The following EPHB2 variants were observed in gnomAD, a reference collection of about 807,000 sequenced individuals.
The protein encoded by EPHB2 is EPH receptor B2, also known as ephrin type-B receptor 2.
Under a neutral mutation model 96.4 loss-of-function variants are expected in EPHB2, and 18 were observed. The observed-to-expected ratio is 0.19, with a 90% CI of 0.13 to 0.28. The LOEUF (loss-of-function observed/expected upper bound fraction) is 0.28, where lower values mean the gene tolerates loss of function less well. Ranked by LOEUF, EPHB2 falls within the 10% of genes least tolerant of loss-of-function variation. The pLI is 1.00. For synonymous variants in EPHB2, 506 were observed against 534.1 expected (o/e 0.95, Z 0.72); for missense variants, 989 against 1,355.4 (o/e 0.73, Z 4.25).
At chr1:22,843,969 G>T (rs1443989965) in intron 3 of EPHB2, among the ~76,000 whole-genome samples, 1 of 152,210 alleles carries the variant, frequency 6.6e-6, no homozygotes, top group Non-Finnish European at 1.5e-5. Context: ...CTCCATCCAC[G>T]CTGTTGCAAA....
At chr1:22,855,649 C>T (rs1481880113) in intron 3 of EPHB2, among the ~76,000 whole-genome samples, 1 of 152,188 alleles carries the variant, frequency 6.6e-6, no homozygotes, top group Admixed American at 6.5e-5. Context: ...TAGCACATAG[C>T]AAATGGAGGC....
intron 1 of EPHB2, among the ~76,000 whole-genome samples, chr1:22,747,173 C>T (rs1045739025): frequency 6.6e-6 from 1 of 152,220 alleles, no homozygotes; most frequent in Admixed American, 6.5e-5. Flanking sequence ...GCTCAGGGTT[C>T]AGTCACCGGA....
intron 3 of EPHB2, among the ~76,000 whole-genome samples, chr1:22,833,370 G>A (rs1169743936): frequency 6.6e-6 from 1 of 152,010 alleles, no homozygotes; most frequent in African/African-American, 2.4e-5. Context: ...TAGCCTCCTC[G>A]GCCTCCCAAA....
intron 3 of EPHB2, among the ~76,000 whole-genome samples, chr1:22,826,277 G>A (rs534445700): frequency 3.3e-5 from 5 of 152,122 alleles, no homozygotes; most frequent in Admixed American, 6.5e-5. Context: ...CTCTCCCCAC[G>A]GCCTTGGGCT....
At position 22,913,379 on chromosome 1, in the gene EPHB2, C is replaced by A; in HGVS notation, c.2853-83C>A. ...ACTCCTTGCTTTGCCATCTTCCTCC[C>A]GGGGAAGCCCAGGCAGCTCTCTACC... On this transcript the variant is annotated intron_variant, in intron 15 of 15. Transcript: ENST00000374630. This position sits in a 1 kb window ranked among gnomAD's most constrained non-coding sequence, Gnocchi z 4.1. The A allele has an allele frequency of 5.2e-6, 8 of 1,552,370 alleles. 1 individual carries two copies. The South Asian group carries it at 8.2e-5, about 16-fold the overall frequency.
At chr1:22,896,845 G>T (rs574618465) in intron 9 of EPHB2, among the ~76,000 whole-genome samples, 107 of 152,328 alleles carry the variant, frequency 7.0e-4, no homozygotes, top group Middle Eastern at 3.4e-3. Context: ...AGTGGTGGCC[G>T]CTGGAGACCT....
In EPHB2 at chr1:22,909,156, C is replaced by T. The variant is rs1431793024; in HGVS notation, c.2487C>T (p.Asp829=). The T allele has an allele frequency of 6.2e-7, 1 of 1,614,218 alleles. No individual in the cohort carries two copies. The highest frequency in any genetic ancestry group is 1.7e-5 in the Admixed American group (1 of 60,028). The change falls in exon 13 of 16, where the codon GAC becomes GAT. Residue 829 remains aspartate (D), a synonymous_variant. Transcript: ENST00000374630. The stretch of plus-strand genomic sequence containing the variant: ...CCTATGGGGAGCGGCCCTACTGGGA[C>T]ATGACCAACCAGGATGTAAGTCTCC... ...VMSYGERPYW[D]MTNQDVINAI... is the part of the protein sequence containing the mutation.
chr1:22,847,976 T>C lies in EPHB2; in HGVS notation c.812-15061T>C, dbSNP rs117308932. Among the ~76,000 whole-genome samples the C allele has an allele frequency of 2.5e-4, 38 of 152,274 alleles. No homozygotes were observed. In the East Asian group the frequency reaches 7.2e-3, roughly 29 times the overall value. Reference sequence around the variant, plus strand: ...CTAGCTAATCATACTCTCTCTCCCCTGCTAGACGGTGAGCCTCAAGGCCAG... The same window carrying C: ...CTAGCTAATCATACTCTCTCTCCCCCGCTAGACGGTGAGCCTCAAGGCCAG... On this transcript the variant is annotated intron_variant, in intron 3 of 15. Transcript: ENST00000374630.
intron 3 of EPHB2, among the ~76,000 whole-genome samples, chr1:22,842,764 T>G (rs12410872): frequency 0.51 from 77,596 of 151,858 alleles, 19,925 homozygotes; most frequent in Middle Eastern, 0.59. Context: ...CCAGGCTTAT[T>G]CATTCCCTCT....
chr1:22,873,233 C>T (rs4654825), intron 5 of EPHB2, among the ~76,000 whole-genome samples: 1 of 152,236 alleles, frequency 6.6e-6, no homozygotes, highest in Non-Finnish European at 1.5e-5. Context: ...TGTAGTTCAT[C>T]TGCTCCGGGT....
At position 22,815,222 on chromosome 1, in the gene EPHB2, C is replaced by T. The variant is rs575755344; in HGVS notation, c.811+30146C>T. 7.2e-5 allele frequency among the ~76,000 whole-genome samples: 11 copies of T among 152,122 alleles called. No homozygotes were observed. In the South Asian group the frequency reaches 2.1e-3, roughly 29 times the overall value. ...GGTAAATGTGAGCCTTCCCTTAGCC[C>T]GCCGCCCTTGGAATCAGGACAGGCT... is the stretch of plus-strand genomic sequence containing the variant. On this transcript the variant is annotated intron_variant, in intron 3 of 15. Coordinates refer to ENST00000374630, the MANE Select transcript of EPHB2 (RefSeq NM_017449.5).
In EPHB2 at chr1:22,864,925, C is replaced by G; in HGVS notation, c.1016C>G (p.Ser339Cys). ...GTGATTTCCAGTGTCAATGAGACCT[C>G]CCTCATGCTGGAGTGGACCCCTCCC... ...QAVISSVNET[S>C]LMLEWTPPRD... Residue 339 changes from serine (S) to cysteine (C), a missense_variant, in exon 5 of 16, where the codon TCC (serine) becomes TGC (cysteine). Transcript: ENST00000374630. 1 of 1,607,994 alleles carries G rather than the reference C, an allele frequency of 6.2e-7. No homozygotes were observed. Among genetic ancestry groups the G allele is most frequent in the Non-Finnish European group, 8.5e-7 (1 of 1,177,072 alleles).
chr1:22,903,907 T>G (rs765990382), intron 9 of EPHB2, among the ~76,000 whole-genome samples: 1 of 152,180 alleles, frequency 6.6e-6, no homozygotes, highest in Admixed American at 6.5e-5. Flanking sequence ...CTTAACCTCT[T>G]TGGGGGCCTC....
At chr1:22,849,107 T>C (rs1034328789) in intron 3 of EPHB2, among the ~76,000 whole-genome samples, 3 of 152,080 alleles carry the variant, frequency 2.0e-5, no homozygotes, top group African/African-American at 7.2e-5. Context: ...AGCAAATGGG[T>C]ATTAAGTCTC....
At chr1:22,803,032 G>A (rs1644867950) in intron 3 of EPHB2, among the ~76,000 whole-genome samples, 1 of 152,132 alleles carries the variant, frequency 6.6e-6, no homozygotes, top group Admixed American at 6.5e-5. Context: ...CTGAGCCTGG[G>A]AGTCCCAGAG....
intron 3 of EPHB2, among the ~76,000 whole-genome samples, chr1:22,806,721 C>T (rs1277536454): frequency 2.0e-5 from 3 of 152,274 alleles, no homozygotes; most frequent in Non-Finnish European, 4.4e-5. Context: ...CTGGGCGGCC[C>T]AGCGCCTGCA....
At chr1:22,864,511 C>A (rs1638399306) in intron 4 of EPHB2, among the ~76,000 whole-genome samples, 1 of 152,164 alleles carries the variant, frequency 6.6e-6, no homozygotes, top group Admixed American at 6.5e-5. Flanking sequence ...CAGTGGCAAG[C>A]ACTTAAACAC....
chr1:22,819,612 C>T (rs917895274), intron 3 of EPHB2, among the ~76,000 whole-genome samples: 2 of 152,212 alleles, frequency 1.3e-5, no homozygotes, highest in South Asian at 2.1e-4. Flanking sequence ...CTGACCACCC[C>T]GGGACAGACT....
intron 9 of EPHB2, among the ~76,000 whole-genome samples, chr1:22,905,301 A>G (rs1480468971): frequency 1.3e-5 from 2 of 152,202 alleles, no homozygotes; most frequent in African/African-American, 4.8e-5. Context: ...GTCTAGCTTC[A>G]TGCTGATTAC....
Sources: gnomAD v4.1 joint callset for allele counts (sites outside exome capture counted in the v4.1 genomes callset) on GRCh38, gnomAD v4.1.1 for gene constraint, Gnocchi (gnomAD v3.1) non-coding constraint, MANE v1.5 for transcripts, NCBI Gene and HGNC (gene_info 2026-07-23, HGNC 2026-07-21) for gene names.